The following BLMH variants were observed in gnomAD, a reference collection of about 807,000 sequenced individuals.
BLMH encodes the protein BLM hydrolase.
BLMH carries 32 observed loss-of-function variants against 61.6 expected under a neutral mutation model. The ratio of observed to expected loss-of-function variants is 0.52; its 90% CI spans 0.39 to 0.70. The LOEUF is 0.70. BLMH is among the 30% of genes least tolerant of loss of function. The pLI is 0.00. For synonymous variants in BLMH, 183 were observed against 193.8 expected (o/e 0.94, Z 0.46); for missense variants, 460 against 555.5 (o/e 0.83, Z 1.73).
chr17:30,268,755 G>A (rs966593524), intron 10 of BLMH, among the ~76,000 whole-genome samples: 1 of 151,076 alleles, frequency 6.6e-6, no homozygotes, highest in Non-Finnish European at 1.5e-5. Context: ...ACAAATTCTC[G>A]GCTGGGCACA....
rs1243004659 is a variant in BLMH, at chr17:30,248,815, TC to T, written c.*201del. 7 of 588,374 alleles carry T rather than the reference TC, an allele frequency of 1.2e-5. No individual in the cohort carries two copies. The highest frequency in any genetic ancestry group is 2.1e-5 in the Non-Finnish European group (7 of 338,900). 36.4% of individuals were successfully genotyped at this position (588,374 alleles called of 1,614,324 possible). On this transcript the variant is annotated 3_prime_UTR_variant, in exon 12 of 12. Coordinates refer to ENST00000261714, the MANE Select transcript of BLMH (RefSeq NM_000386.4). Reference sequence around the variant, plus strand: ...GAGAGTAGATAGTATGACCTGATCTTCCCCCCTCTTTTTTTTCCTTTAACAG... The same window carrying T: ...GAGAGTAGATAGTATGACCTGATCTTCCCCCTCTTTTTTTTCCTTTAACAG...
At chr17:30,271,877 T>C (rs926670196) in intron 9 of BLMH, among the ~76,000 whole-genome samples, 7 of 152,238 alleles carry the variant, frequency 4.6e-5, no homozygotes, top group Non-Finnish European at 8.8e-5. Flanking sequence ...AAAGGCAAAA[T>C]ACATGTGAGA....
chr17:30,286,970 G>A, intron 4 of BLMH, 68 bp from the exon 5 acceptor site: 1 of 1,018,234 alleles, frequency 9.8e-7, no homozygotes. Flanking sequence ...AATAGTGATT[G>A]TTTCAAAAAA....
intron 2 of BLMH, 59 bp downstream of exon 2, chr17:30,291,252 C>T: frequency 6.4e-7 from 1 of 1,573,420 alleles, no homozygotes; most frequent in Non-Finnish European, 8.6e-7. Flanking sequence ...AAATAAGACA[C>T]CAAAATGGGA....
chr17:30,255,029 A>G (rs1165537794), intron 11 of BLMH, among the ~76,000 whole-genome samples: 1 of 152,232 alleles, frequency 6.6e-6, no homozygotes, highest in African/African-American at 2.4e-5. Context: ...AACACGTTTA[A>G]TCAGTCCCCT....
intron 10 of BLMH, among the ~76,000 whole-genome samples, chr17:30,267,733 G>C (rs746296798): frequency 3.0e-4 from 45 of 152,254 alleles, no homozygotes; most frequent in Non-Finnish European, 5.1e-4. Flanking sequence ...CAAGAGGAAG[G>C]CTCCATTTGG....
intron 10 of BLMH, among the ~76,000 whole-genome samples, chr17:30,270,454 A>G (rs1356780264): frequency 6.6e-6 from 1 of 151,270 alleles, no homozygotes; most frequent in Non-Finnish European, 1.5e-5. Flanking sequence ...GTGAGCTGAG[A>G]TCACACTACA....
intron 11 of BLMH, among the ~76,000 whole-genome samples, chr17:30,261,591 G>A (rs79392478): frequency 0.011 from 1,739 of 152,316 alleles, 28 homozygotes; most frequent in African/African-American, 0.04. Flanking sequence ...ACATAGAAAT[G>A]TGACACTACA....
At chr17:30,260,926 A>C (rs1198728987) in intron 11 of BLMH, among the ~76,000 whole-genome samples, 1 of 152,164 alleles carries the variant, frequency 6.6e-6, no homozygotes, top group Non-Finnish European at 1.5e-5. Context: ...CTTATCAAAG[A>C]ACCCAGAATC....
rs1907602142 is a variant in BLMH, at chr17:30,248,994, G to A, written c.*23C>T. On this transcript the variant is annotated 3_prime_UTR_variant, in exon 12 of 12. Transcript: ENST00000261714. The stretch of plus-strand genomic sequence containing the variant: ...GCAGCTACGTCAGGTTCCATGGAAG[G>A]AGGAAAGAGCTGGAGGGCAGTATCA... 3 of 1,612,942 alleles carry A rather than the reference G, an allele frequency of 1.9e-6. No homozygotes were observed. Among genetic ancestry groups the A allele is most frequent in the Non-Finnish European group, 2.5e-6 (3 of 1,179,490 alleles).
chr17:30,273,131 GT>G (rs1426801541), intron 7 of BLMH: 3 of 421,770 alleles, frequency 7.1e-6, no homozygotes, highest in African/African-American at 4.1e-5. Context: ...GCATCTACCT[GT>G]TTTTCCTACT....
At chr17:30,282,371 T>C (rs1026386781) in intron 6 of BLMH, among the ~76,000 whole-genome samples, 7 of 152,206 alleles carry the variant, frequency 4.6e-5, no homozygotes, top group Admixed American at 2.6e-4. Flanking sequence ...CATGCACCAC[T>C]ATGCCCAGAT....
intron 6 of BLMH, among the ~76,000 whole-genome samples, chr17:30,283,668 C>T (rs1213734321): frequency 6.6e-6 from 1 of 151,912 alleles, no homozygotes; most frequent in African/African-American, 2.4e-5. Flanking sequence ...ACTACAGGCG[C>T]ATACCACCAC....
At chr17:30,271,507 C>A (rs1026906946) in intron 9 of BLMH, 119 bp from the exon 10 acceptor site, 4 of 707,242 alleles carry the variant, frequency 5.7e-6, no homozygotes, top group Non-Finnish European at 9.9e-6. Context: ...ATAAATAAGG[C>A]TCTAGCTGTA....
chr17:30,273,067 T>C (rs935664328), intron 7 of BLMH, 168 bp from the exon 8 acceptor site: 1 of 677,936 alleles, frequency 1.5e-6, no homozygotes, highest in East Asian at 2.7e-5. Context: ...GCAAAATACA[T>C]GTGAGAGAGG....
chr17:30,291,244 A>G, intron 2 of BLMH, 67 bp downstream of exon 2: 5 of 1,561,982 alleles, frequency 3.2e-6, no homozygotes, highest in Admixed American at 1.7e-5. Context: ...CCACTCTTAA[A>G]TAAGACACCA....
chr17:30,288,153 G>T, intron 3 of BLMH: 2 of 458,980 alleles, frequency 4.4e-6, no homozygotes, highest in Admixed American at 3.9e-5. Context: ...CCCAGTTTGG[G>T]GACTTACGAT....
At chr17:30,275,153 G>A (rs1597663762) in intron 6 of BLMH, among the ~76,000 whole-genome samples, 1 of 151,976 alleles carries the variant, frequency 6.6e-6, no homozygotes, top group African/African-American at 2.4e-5. Flanking sequence ...GGAGGCAGAG[G>A]TTGCAGTGAG....
At chr17:30,254,403 C>T (rs2143019644) in intron 11 of BLMH, among the ~76,000 whole-genome samples, 1 of 152,234 alleles carries the variant, frequency 6.6e-6, no homozygotes, top group Admixed American at 6.5e-5. Context: ...AAGCAGAAGC[C>T]TCACTGGCAC....
Sources: allele counts gnomAD v4.1 joint callset (sites outside exome capture counted in the v4.1 genomes callset), GRCh38; gene constraint gnomAD v4.1.1; transcripts MANE v1.5; gene names NCBI Gene and HGNC (gene_info 2026-07-23, HGNC 2026-07-21).